HS3ST3A1: variants seen among roughly 807,000 people sequenced by gnomAD.
HS3ST3A1 encodes the protein heparan sulfate-glucosamine 3-sulfotransferase 3A1.
A neutral mutation model predicts 25.7 loss-of-function variants in HS3ST3A1; 19 were observed. The ratio of observed to expected loss-of-function variants is 0.74; its 90% CI spans 0.52 to 1.08. The LOEUF is 1.08. Among genes scored for constraint, HS3ST3A1 ranks in the 50% least tolerant of loss-of-function variants. The probability of loss-of-function intolerance (pLI) is 0.00; values close to 1 mark genes in which losing one functional copy is unlikely to be tolerated. For synonymous variants in HS3ST3A1, 226 were observed against 278.6 expected (o/e 0.81, Z 1.88); for missense variants, 459 against 594.3 (o/e 0.77, Z 2.37).
intron 1 of HS3ST3A1, among the ~76,000 whole-genome samples, chr17:13,547,229 G>T (rs896776843): frequency 2.0e-5 from 3 of 151,932 alleles, no homozygotes; most frequent in Admixed American, 2.0e-4. Flanking sequence ...AAAAAATTTG[G>T]TCTTTGTCCC....
chr17:13,567,964 A>G (rs1402251030), intron 1 of HS3ST3A1, among the ~76,000 whole-genome samples: 2 of 152,240 alleles, frequency 1.3e-5, no homozygotes, highest in African/African-American at 4.8e-5. Flanking sequence ...AGGAAGTTCG[A>G]CTGGAGGTAA....
rs1183228070 is a variant in HS3ST3A1 at position 13,540,240 on chromosome 17, C to T, written c.600-43422G>A. Among the ~76,000 whole-genome samples the T allele has an allele frequency of 1.1e-4, 16 of 152,200 alleles. 1 individual carries two copies. The highest frequency in any genetic ancestry group is 1.0e-3 in the Admixed American group (16 of 15,276). On this transcript the variant is annotated intron_variant, in intron 1 of 1. Transcript: ENST00000284110. ...TATAATGTTCTAGTGTTATCTGTGT[C>T]ACTGACCAGCAGCTTGACACTGGGC...
In HS3ST3A1 at chr17:13,496,313, C is replaced by T; in HGVS notation, c.1105G>A (p.Gly369Ser). Residue 369 changes from glycine (G) to serine (S), a missense_variant, in exon 2 of 2, where the codon GGC (glycine) becomes AGC (serine). Around this residue, in one of 3 missense-constraint regions of HS3ST3A1, gnomAD observed 46 missense variants for 59.0 expected, o/e 0.78. Transcript: ENST00000284110. ...CGGTCGATCTCAGGATGGGTCCTGC[C>T]CTTGGTCTTGCCCAGGCAATGGGGC... Reference protein sequence around the residue: ...SRPHCLGKTKGRTHPEIDREV... With the variant: ...SRPHCLGKTKSRTHPEIDREV... 2 of 1,559,192 alleles carry T rather than the reference C, an allele frequency of 1.3e-6. No homozygotes were observed. Among genetic ancestry groups the T allele is most frequent in the African/African-American group, 1.4e-5 (1 of 71,972 alleles).
At chr17:13,561,826 G>C (rs1314885398) in intron 1 of HS3ST3A1, among the ~76,000 whole-genome samples, 1 of 152,100 alleles carries the variant, frequency 6.6e-6, no homozygotes, top group Non-Finnish European at 1.5e-5. Flanking sequence ...CAAAATGACA[G>C]AGCTGTGAAT....
At chr17:13,586,502 G>A (rs1908270873) in intron 1 of HS3ST3A1, among the ~76,000 whole-genome samples, 1 of 152,010 alleles carries the variant, frequency 6.6e-6, no homozygotes, top group Admixed American at 6.6e-5. Flanking sequence ...AATAGCCATT[G>A]GCTTCATGAG....
chr17:13,568,692 C>T (rs544137748), intron 1 of HS3ST3A1, among the ~76,000 whole-genome samples: 2 of 152,132 alleles, frequency 1.3e-5, no homozygotes, highest in African/African-American at 4.8e-5. Flanking sequence ...TTTCTTTCTT[C>T]GAGTGACTGA....
intron 1 of HS3ST3A1, among the ~76,000 whole-genome samples, chr17:13,554,093 C>T (rs751058230): frequency 7.4e-4 from 113 of 152,294 alleles, no homozygotes; most frequent in Middle Eastern, 3.4e-3. Context: ...GTCACAGATT[C>T]AGAAGGAAAA....
intron 1 of HS3ST3A1, 75 bp downstream of exon 1, chr17:13,600,456 C>T (rs142627880): frequency 1.2e-5 from 18 of 1,452,782 alleles, no homozygotes; most frequent in Non-Finnish European, 1.6e-5. Context: ...TGGGGGTCAC[C>T]GAGGGCTCCT....
chr17:13,524,050 T>C (rs1328015262), intron 1 of HS3ST3A1, among the ~76,000 whole-genome samples: 1 of 152,224 alleles, frequency 6.6e-6, no homozygotes, highest in Non-Finnish European at 1.5e-5. Flanking sequence ...TAGCTGCATG[T>C]TTGATTTCCT....
At chr17:13,499,228 A>G (rs1002893587) in intron 1 of HS3ST3A1, among the ~76,000 whole-genome samples, 1 of 152,186 alleles carries the variant, frequency 6.6e-6, no homozygotes, top group Non-Finnish European at 1.5e-5. Flanking sequence ...ACATGAATGC[A>G]TAGAACTCAT....
At chr17:13,532,879 G>A (rs1213819525) in intron 1 of HS3ST3A1, among the ~76,000 whole-genome samples, 2 of 11,766 alleles carry the variant, frequency 1.7e-4, no homozygotes, top group South Asian at 2.9e-3. Flanking sequence ...ATACATATAC[G>A]TGTGTGTGTG....
chr17:13,532,670 A>C (rs1906638979), intron 1 of HS3ST3A1, among the ~76,000 whole-genome samples: 1 of 152,124 alleles, frequency 6.6e-6, no homozygotes, highest in Non-Finnish European at 1.5e-5. Context: ...TGGAATACTG[A>C]AGATGGGCAA....
chr17:13,566,046 C>T (rs982407441), intron 1 of HS3ST3A1, among the ~76,000 whole-genome samples: 5 of 152,126 alleles, frequency 3.3e-5, no homozygotes, highest in Non-Finnish European at 5.9e-5. Flanking sequence ...TACAGGCATA[C>T]CTTGCCTTAT....
intron 1 of HS3ST3A1, among the ~76,000 whole-genome samples, chr17:13,532,448 G>T (rs1354800437): frequency 2.0e-5 from 3 of 152,064 alleles, no homozygotes; most frequent in Non-Finnish European, 2.9e-5. Context: ...AGAAGCCTGG[G>T]TTTTAGAAAC....
intron 1 of HS3ST3A1, among the ~76,000 whole-genome samples, chr17:13,534,547 CAAAA>C (rs34383911): frequency 0.26 from 8,240 of 32,232 alleles, 238 homozygotes; most frequent in Non-Finnish European, 0.32. Context: ...CTACAAAATC[CAAAA>C]AAAAAAAAAA....
chr17:13,595,766 A>G (rs1908557665), intron 1 of HS3ST3A1, among the ~76,000 whole-genome samples: 1 of 152,150 alleles, frequency 6.6e-6, no homozygotes, highest in Non-Finnish European at 1.5e-5. Context: ...CAAGTTCCCG[A>G]CTGGGCCCAG....
At chr17:13,503,805 C>T (rs1905568063) in intron 1 of HS3ST3A1, among the ~76,000 whole-genome samples, 1 of 152,186 alleles carries the variant, frequency 6.6e-6, no homozygotes, top group Non-Finnish European at 1.5e-5. Flanking sequence ...CTCTTTGGCA[C>T]TATCTACCAA....
rs1049119406 is a variant in HS3ST3A1, at chr17:13,495,327, G to A, written c.*870C>T. On this transcript the variant is annotated 3_prime_UTR_variant, in exon 2 of 2. Transcript: ENST00000284110. ...ATCTCAGTGTACTTTAAATAGCCAA[G>A]AGGCAAGACTGGCTCTTAAGAGAGG... 6.6e-6 allele frequency among the ~76,000 whole-genome samples: 1 copy of A among 152,118 alleles called. No individual in the cohort carries two copies. Among genetic ancestry groups the A allele is most frequent in the Non-Finnish European group, 1.5e-5 (1 of 68,024 alleles).
chr17:13,567,233 T>C (rs1907697016), intron 1 of HS3ST3A1, among the ~76,000 whole-genome samples: 1 of 152,226 alleles, frequency 6.6e-6, no homozygotes. Flanking sequence ...CACATCTGTT[T>C]ACAGCATGGT....
Sources: gnomAD v4.1 joint callset for allele counts (sites outside exome capture counted in the v4.1 genomes callset) on GRCh38, gnomAD v4.1.1 for gene constraint, gnomAD v4.1.1 regional missense constraint, MANE v1.5 for transcripts, NCBI Gene and HGNC (gene_info 2026-07-23, HGNC 2026-07-21) for gene names.